The following NOD2 variants were observed in gnomAD, a reference collection of about 807,000 sequenced individuals.
The protein encoded by NOD2 is nucleotide binding oligomerization domain containing 2, also known as nucleotide-binding oligomerization domain-containing protein 2.
NOD2 carries 86 observed loss-of-function variants against 90.9 expected under a neutral mutation model. That is an observed-to-expected ratio of 0.95 (90% confidence interval 0.79 to 1.13). The LOEUF (loss-of-function observed/expected upper bound fraction) is 1.13. Ranked by LOEUF, NOD2 falls within the 50% of genes most tolerant of loss-of-function variation. NOD2 has a pLI of 0.00. For missense variants in NOD2, 1,238 were observed against 1,283.8 expected (o/e 0.96, Z 0.55); for synonymous variants, 581 against 554.6 (o/e 1.05, Z -0.67).
intron 1 of NOD2, among the ~76,000 whole-genome samples, chr16:50,699,015 C>T (rs955630322): frequency 5.9e-5 from 9 of 151,648 alleles, no homozygotes; most frequent in Non-Finnish European, 1.3e-4. Flanking sequence ...GCAACCTCTG[C>T]CTCCCGGGTT....
intron 2 of NOD2, among the ~76,000 whole-genome samples, chr16:50,707,192 C>T (rs1419716862): frequency 1.3e-5 from 2 of 152,150 alleles, no homozygotes; most frequent in African/African-American, 4.8e-5. Flanking sequence ...GAACAGTGCC[C>T]TTTTTGGGAC....
At chr16:50,700,699 T>C (rs940778200) in intron 2 of NOD2, among the ~76,000 whole-genome samples, 2 of 152,260 alleles carry the variant, frequency 1.3e-5, no homozygotes, top group African/African-American at 4.8e-5. Flanking sequence ...TTATTATTTC[T>C]GTTATGAGTG....
At chr16:50,702,516 A>G (rs1289635546) in intron 2 of NOD2, among the ~76,000 whole-genome samples, 1 of 152,242 alleles carries the variant, frequency 6.6e-6, no homozygotes, top group African/African-American at 2.4e-5. Flanking sequence ...CTTGTGGTAT[A>G]TCCAACCAAC....
At chr16:50,697,341 TC>T (rs1258165158) in intron 1 of NOD2, 2 of 1,547,644 alleles carry the variant, frequency 1.3e-6, no homozygotes, top group African/African-American at 2.7e-5. Flanking sequence ...CATTGTCCCG[TC>T]CCAGCTTGAT....
chr16:50,695,111 C>G (rs1963584530), intron 1 of NOD2, among the ~76,000 whole-genome samples: 1 of 140,696 alleles, frequency 7.1e-6, no homozygotes, highest in Non-Finnish European at 1.5e-5. Flanking sequence ...CCTGCTTTGA[C>G]TTGGGGTCTG....
intron 3 of NOD2, among the ~76,000 whole-genome samples, chr16:50,708,253 C>T (rs1964293082): frequency 6.6e-6 from 1 of 152,228 alleles, no homozygotes; most frequent in African/African-American, 2.4e-5. Context: ...ACCATCCAAA[C>T]TCTCATTATC....
chr16:50,725,598 G>T, intron 10 of NOD2, 26 bp downstream of exon 10: 1 of 1,560,920 alleles, frequency 6.4e-7, no homozygotes, highest in Non-Finnish European at 8.8e-7. Context: ...GCAGGAAACA[G>T]GACAATAATT....
At chr16:50,722,734 T>A in intron 8 of NOD2, 29 bp downstream of exon 8, 1 of 1,604,658 alleles carries the variant, frequency 6.2e-7, no homozygotes. Flanking sequence ...CCTGCAGTTT[T>A]CTTGGGGAGA....
At chr16:50,694,699 G>C (rs373680056) in intron 1 of NOD2, among the ~76,000 whole-genome samples, 2 of 152,130 alleles carry the variant, frequency 1.3e-5, no homozygotes, top group Admixed American at 1.3e-4. Flanking sequence ...TCTGTCTCCC[G>C]GAGCCATGCA....
rs750344762 is a variant in NOD2 at position 50,712,297 on chromosome 16, C to T, written c.2305C>T (p.Gln769Ter). 19 of 1,614,064 alleles carry T rather than the reference C, an allele frequency of 1.2e-5. No individual in the cohort carries two copies. The South Asian group carries it at 1.9e-4, about 16-fold the overall frequency. ...GCACCTCCGGCGGCCCGTGGCCCTG[C>T]AGCTGGACTACAACTCTGTGGGTGA... ...LQHLRRPVAL[Q>*]LDYNSVGDIG... The change falls in exon 4 of 12, where the codon CAG becomes TAG. Residue 769 changes from glutamine (Q) to a stop codon, truncating the protein, a stop_gained. Coordinates refer to ENST00000647318, the MANE Select transcript of NOD2 (RefSeq NM_001370466.1). LOFTEE classifies it high-confidence loss of function.
chr16:50,695,996 T>A (rs1484096041), intron 1 of NOD2, among the ~76,000 whole-genome samples: 1 of 146,530 alleles, frequency 6.8e-6, no homozygotes, highest in Non-Finnish European at 1.5e-5. Context: ...ACTTTTACAA[T>A]GGAGAATTAG....
At chr16:50,725,403 G>T in intron 9 of NOD2, 86 bp from the exon 10 acceptor site, 2 of 1,037,154 alleles carry the variant, frequency 1.9e-6, no homozygotes, top group South Asian at 1.3e-5. Flanking sequence ...TTCAGATGTT[G>T]GATTTCCTAT....
chr16:50,699,778 T>C lies in NOD2; in HGVS notation c.283T>C (p.Cys95Arg). 6.2e-7 allele frequency: 1 copy of C among 1,613,916 alleles called. No homozygotes were observed. The highest frequency in any genetic ancestry group is 8.5e-7 in the Non-Finnish European group (1 of 1,180,032). Residue 95 changes from cysteine (C) to arginine (R), a missense_variant, in exon 2 of 12, where the codon TGC becomes CGC. Physicochemically the swap from Cys to Arg is radical, Grantham distance 180 (BLOSUM62 -3). Around this residue, in one of 3 missense-constraint regions of NOD2, gnomAD observed 567 missense variants for 577.3 expected, o/e 0.98. Transcript: ENST00000647318. ...ADSQSPKLHG[C>R]WDPHSLHPAR... ...CAGCCAGTCCCCCAAGCTGCATGGCTGCTGGGACCCCCACTCGCTCCACCC... is the reference window on the plus strand; with the variant it reads ...CAGCCAGTCCCCCAAGCTGCATGGCCGCTGGGACCCCCACTCGCTCCACCC...
intron 9 of NOD2, among the ~76,000 whole-genome samples, chr16:50,724,076 G>C (rs1278962028): frequency 6.6e-6 from 1 of 152,192 alleles, no homozygotes; most frequent in Non-Finnish European, 1.5e-5. Context: ...TTGACCTGAA[G>C]CAGATTCTAA....
chr16:50,700,723 G>A (rs1303740896), intron 2 of NOD2, among the ~76,000 whole-genome samples: 2 of 152,204 alleles, frequency 1.3e-5, no homozygotes, highest in Non-Finnish European at 2.9e-5. Context: ...CTCTGTACTT[G>A]TACACTTTTA....
Position 50,712,385 on chromosome 16 carries a change from T to A in NOD2, c.2381+12T>A. 1 of 1,613,064 alleles carries A rather than the reference T, an allele frequency of 6.2e-7. No homozygotes were observed. The highest frequency in any genetic ancestry group is 8.5e-7 in the Non-Finnish European group (1 of 1,180,008). On this transcript the variant is annotated intron_variant, in intron 4 of 11. Coordinates refer to ENST00000647318, the MANE Select transcript of NOD2 (RefSeq NM_001370466.1). ...TGCAAGGCTCTGTAGTGAGTGTTAC[T>A]GGGCATTGCTGTTCAGGTATGGGGG...
At chr16:50,714,582 A>G (rs1421654425) in intron 4 of NOD2, among the ~76,000 whole-genome samples, 1 of 149,118 alleles carries the variant, frequency 6.7e-6, no homozygotes, top group African/African-American at 2.5e-5. Context: ...GGAAGCAACC[A>G]TGAGGTTGCT....
chr16:50,694,982 G>A (rs753622591), intron 1 of NOD2, among the ~76,000 whole-genome samples: 1 of 152,156 alleles, frequency 6.6e-6, no homozygotes, highest in East Asian at 1.9e-4. Flanking sequence ...CCAAGACCAC[G>A]ATAGCTGGGC....
intron 2 of NOD2, among the ~76,000 whole-genome samples, chr16:50,703,583 G>A (rs1290611709): frequency 6.6e-6 from 1 of 151,122 alleles, no homozygotes; most frequent in Non-Finnish European, 1.5e-5. Flanking sequence ...ATGTTGCAGT[G>A]AGCCGAGATC....
Sources: gnomAD v4.1 joint callset for allele counts (sites outside exome capture counted in the v4.1 genomes callset) on GRCh38, gnomAD v4.1.1 for gene constraint, gnomAD v4.1.1 regional missense constraint, MANE v1.5 for transcripts, NCBI Gene and HGNC (gene_info 2026-07-23, HGNC 2026-07-21) for gene names.